FAM171A1: variants seen among roughly 807,000 people sequenced by gnomAD.
FAM171A1 encodes the protein protein FAM171A1.
Under a neutral mutation model 74.9 loss-of-function variants are expected in FAM171A1, and 23 were observed. The ratio of observed to expected loss-of-function variants is 0.31; its 90% CI spans 0.22 to 0.44. The LOEUF is 0.44. Among genes scored for constraint, FAM171A1 ranks in the 20% least tolerant of loss-of-function variants. The pLI is 1.00. For synonymous variants in FAM171A1, 527 were observed against 505.7 expected, an observed-to-expected ratio of 1.04 and a Z score of -0.57; for missense variants, 1,162 against 1,159.2, an observed-to-expected ratio of 1.00 and a Z score of -0.03.
chr10:15,341,750 A>G (rs1240656064), intron 1 of FAM171A1, among the ~76,000 whole-genome samples: 1 of 152,204 alleles, frequency 6.6e-6, no homozygotes, highest in African/African-American at 2.4e-5. Context: ...ACTTCTGAGG[A>G]TGCTCTTAAT....
chr10:15,291,708 C>G (rs1835103948), intron 1 of FAM171A1, among the ~76,000 whole-genome samples: 2 of 152,152 alleles, frequency 1.3e-5, no homozygotes, highest in African/African-American at 4.8e-5. Context: ...ACCCCTCCTC[C>G]CCAGCTGTAT....
intron 1 of FAM171A1, among the ~76,000 whole-genome samples, chr10:15,311,343 G>C (rs144233137): frequency 1.2e-3 from 189 of 152,226 alleles, no homozygotes; most frequent in African/African-American, 4.4e-3. Flanking sequence ...GACTTAGAGG[G>C]GGAGGAAGAA....
intron 1 of FAM171A1, among the ~76,000 whole-genome samples, chr10:15,331,256 G>A (rs919912096): frequency 2.0e-5 from 3 of 152,202 alleles, no homozygotes; most frequent in Admixed American, 6.5e-5. Flanking sequence ...TCCCTGTGGA[G>A]GGGAGGCGTC....
At chr10:15,248,150 C>T (rs1232143916) in intron 5 of FAM171A1, among the ~76,000 whole-genome samples, 4 of 152,104 alleles carry the variant, frequency 2.6e-5, no homozygotes, top group Admixed American at 6.5e-5. Context: ...CCTACGTGCA[C>T]TGTGAAAGCC....
intron 1 of FAM171A1, among the ~76,000 whole-genome samples, chr10:15,313,878 T>A (rs1835392553): frequency 6.6e-6 from 1 of 152,334 alleles, no homozygotes; most frequent in South Asian, 2.1e-4. Context: ...CGAGGGTTGA[T>A]CTGTTTCCTG....
At chr10:15,287,997 G>A (rs1835058551) in intron 1 of FAM171A1, among the ~76,000 whole-genome samples, 2 of 152,136 alleles carry the variant, frequency 1.3e-5, no homozygotes, top group South Asian at 4.1e-4. Flanking sequence ...CTCCCACTCA[G>A]GAGTGAGAAC....
At chr10:15,305,664 T>TAAAAAAAAAAAAAAA (rs59843893) in intron 1 of FAM171A1, among the ~76,000 whole-genome samples, 2 of 52,940 alleles carry the variant, frequency 3.8e-5, no homozygotes, top group Non-Finnish European at 6.5e-5. Flanking sequence ...GAGATCTGGC[T>TAAAAAAAAAAAAAAA]AAAAAAAAAA....
At chr10:15,338,710 TTTTG>T (rs926474794) in intron 1 of FAM171A1, among the ~76,000 whole-genome samples, 11 of 152,290 alleles carry the variant, frequency 7.2e-5, no homozygotes, top group African/African-American at 2.4e-4. Context: ...CTTGGGATTT[TTTTG>T]TTTGTGTGTA....
intron 4 of FAM171A1, among the ~76,000 whole-genome samples, 171 bp downstream of exon 4, chr10:15,254,550 G>A (rs557265192): frequency 3.3e-5 from 5 of 152,270 alleles, no homozygotes; most frequent in South Asian, 2.1e-4. Context: ...TGCAGGGCTC[G>A]TACCGACGTA....
chr10:15,284,225 C>G, intron 1 of FAM171A1, 120 bp from the exon 2 acceptor site: 1 of 821,308 alleles, frequency 1.2e-6, no homozygotes, highest in South Asian at 1.8e-5. Flanking sequence ...GGTTGACACT[C>G]AAAATATGCA....
chr10:15,239,261 T>C (rs956914466), intron 5 of FAM171A1, among the ~76,000 whole-genome samples: 3 of 152,202 alleles, frequency 2.0e-5, no homozygotes, highest in African/African-American at 7.2e-5. Context: ...AAAGGTCAAA[T>C]TGGCCACTGC....
chr10:15,247,437 A>C (rs1042725675), intron 5 of FAM171A1, among the ~76,000 whole-genome samples: 1 of 149,576 alleles, frequency 6.7e-6, no homozygotes, highest in South Asian at 2.1e-4. Context: ...GCACCCAAAC[A>C]GTACCCAGCA....
chr10:15,351,032 T>C (rs916280218), intron 1 of FAM171A1, among the ~76,000 whole-genome samples: 9 of 152,152 alleles, frequency 5.9e-5, no homozygotes, highest in African/African-American at 1.7e-4. Flanking sequence ...CCCTTTCTCA[T>C]TGCCTCCTCT....
At chr10:15,248,597 A>G (rs2131757640) in intron 5 of FAM171A1, 42 bp downstream of exon 5, 3 of 1,550,252 alleles carry the variant, frequency 1.9e-6, no homozygotes, top group Non-Finnish European at 2.6e-6. Flanking sequence ...ACAGTAACGA[A>G]GCCATCTGGT....
At position 15,213,083 on chromosome 10, in the gene FAM171A1, C is replaced by T. The variant is rs748738500; in HGVS notation, c.2505G>A (p.Thr835=). The change falls in exon 8 of 8, where the codon ACG becomes ACA. Residue 835 remains threonine, a synonymous_variant. Transcript: ENST00000378116. This position sits in a 1 kb window ranked among gnomAD's most constrained non-coding sequence, Gnocchi z 6.8. ...AGGGGGCATCCGCAGTCCGTCTGGTCGTCTCCTCCTGCAGGCTGGGCAGCT... is the reference window on the plus strand; with the variant it reads ...AGGGGGCATCCGCAGTCCGTCTGGTTGTCTCCTCCTGCAGGCTGGGCAGCT... ...GGQLPSLQEE[T]TRRTADAPSE... is the part of the protein sequence containing the mutation. The T allele has an allele frequency of 5.0e-6, 8 of 1,613,608 alleles. No individual in the cohort carries two copies. The highest frequency in any genetic ancestry group is 2.2e-5 in the East Asian group (1 of 44,844).
chr10:15,326,227 G>A (rs893535060), intron 1 of FAM171A1, among the ~76,000 whole-genome samples: 1 of 152,064 alleles, frequency 6.6e-6, no homozygotes, highest in Non-Finnish European at 1.5e-5. Context: ...CTCATAGATC[G>A]TTTGGTGAAG....
intron 3 of FAM171A1, among the ~76,000 whole-genome samples, chr10:15,269,561 G>C (rs973668604): frequency 6.6e-5 from 10 of 152,156 alleles, no homozygotes; most frequent in African/African-American, 2.2e-4. Flanking sequence ...GGAGGGGCAA[G>C]ATCATGTTTA....
intron 3 of FAM171A1, among the ~76,000 whole-genome samples, chr10:15,260,517 C>A (rs1265170809): frequency 6.6e-6 from 1 of 152,186 alleles, no homozygotes; most frequent in African/African-American, 2.4e-5. Flanking sequence ...TGGTGTCCAA[C>A]AGTGTCTCCT....
chr10:15,318,207 G>A (rs992885608), intron 1 of FAM171A1, among the ~76,000 whole-genome samples: 3 of 152,160 alleles, frequency 2.0e-5, no homozygotes, highest in African/African-American at 4.8e-5. Flanking sequence ...GATGAGATAC[G>A]GTGTAAGGAA....
Sources: allele counts gnomAD v4.1 joint callset (sites outside exome capture counted in the v4.1 genomes callset), GRCh38; gene constraint gnomAD v4.1.1; non-coding constraint Gnocchi (gnomAD v3.1); transcripts MANE v1.5; gene names NCBI Gene and HGNC (gene_info 2026-07-23, HGNC 2026-07-21).